PDE1C: variants seen among roughly 807,000 people sequenced by gnomAD.
PDE1C encodes the protein dual specificity calcium/calmodulin-dependent 3',5'-cyclic nucleotide phosphodiesterase 1C.
PDE1C carries 62 observed loss-of-function variants against 93.1 expected under a neutral mutation model. That is an observed-to-expected ratio of 0.67 (90% CI 0.54 to 0.82). The LOEUF is 0.82. PDE1C is among the 40% of genes least tolerant of loss of function. PDE1C has a pLI of 0.00. For synonymous variants in PDE1C, 325 were observed against 310.1 expected (o/e 1.05, Z -0.50); for missense variants, 742 against 884.6 (o/e 0.84, Z 2.04).
intron 2 of PDE1C, among the ~76,000 whole-genome samples, chr7:32,207,839 C>T (rs556583589): frequency 7.9e-5 from 12 of 152,216 alleles, no homozygotes; most frequent in African/African-American, 2.6e-4. Context: ...GCAAGGACCG[C>T]CCTCCCCCCA....
chr7:32,306,776 C>A (rs1471961062), intron 1 of PDE1C, among the ~76,000 whole-genome samples: 2 of 152,176 alleles, frequency 1.3e-5, no homozygotes, highest in African/African-American at 4.8e-5. Flanking sequence ...AAGTTTGGAC[C>A]TTCTCCTGTA....
intron 1 of PDE1C, among the ~76,000 whole-genome samples, chr7:32,350,574 ATATATATATATATATATTT>A (rs1433528848): frequency 0.1 from 111 of 1,102 alleles, 26 homozygotes; most frequent in African/African-American, 0.13. Context: ...ATATATATAT[ATATATATATATATATATTT>A]TTTTTTTTTT....
At chr7:32,046,795 T>C (rs183526322) in intron 2 of PDE1C, among the ~76,000 whole-genome samples, 1 of 152,244 alleles carries the variant, frequency 6.6e-6, no homozygotes, top group East Asian at 1.9e-4. Context: ...ACCTAAACTA[T>C]CTAAACAGTG....
At chr7:32,334,461 G>A (rs1267762334) in intron 1 of PDE1C, among the ~76,000 whole-genome samples, 2 of 151,874 alleles carry the variant, frequency 1.3e-5, no homozygotes, top group South Asian at 4.1e-4. Flanking sequence ...ATAGGTTATT[G>A]GGGTACAGGT....
chr7:32,409,354 C>T (rs1785119481), intron 1 of PDE1C, among the ~76,000 whole-genome samples: 1 of 151,982 alleles, frequency 6.6e-6, no homozygotes. Context: ...GACAGAGACC[C>T]TGTCTCAGAA....
intron 2 of PDE1C, among the ~76,000 whole-genome samples, chr7:32,180,519 G>A (rs758333359): frequency 2.6e-5 from 4 of 152,116 alleles, no homozygotes; most frequent in Non-Finnish European, 5.9e-5. Context: ...ATCATGTGAG[G>A]ACACAGCGCT....
intron 2 of PDE1C, among the ~76,000 whole-genome samples, chr7:32,002,273 G>A (rs189930750): frequency 9.9e-5 from 15 of 152,200 alleles, no homozygotes; most frequent in East Asian, 7.7e-4. Flanking sequence ...AACATGAAGC[G>A]AGTAAAAAAA....
the PDE1C span, among the ~76,000 whole-genome samples, chr7:31,734,005 A>G: frequency 1.8e-5 from 1 of 54,232 alleles, no homozygotes; most frequent in Non-Finnish European, 7.9e-5. Context: ...CTCTGTTTCA[A>G]AGAAAAAAAA....
At chr7:32,075,213 A>C (rs1796282085), upstream of PDE1C, among the ~76,000 whole-genome samples, 1 of 152,224 alleles carries the variant, frequency 6.6e-6, no homozygotes, top group Non-Finnish European at 1.5e-5. Context: ...GAAAGAGCAA[A>C]GCTTTTTTTC....
At chr7:32,070,535 C>G (rs1351751866), upstream of PDE1C, 1 of 1,476,506 alleles carries the variant, frequency 6.8e-7, no homozygotes, top group African/African-American at 1.4e-5. Context: ...CCCTTCTGCG[C>G]CCCCAGACTC....
At chr7:32,236,087 T>C (rs117540404) in intron 1 of PDE1C, among the ~76,000 whole-genome samples, 4,127 of 152,138 alleles carry the variant, frequency 0.027, 64 homozygotes, top group Non-Finnish European at 0.038. Flanking sequence ...AACATCCATA[T>C]ACCAAAAAAA....
At chr7:31,829,352 G>T (rs1481139577) in intron 11 of PDE1C, among the ~76,000 whole-genome samples, 1 of 152,128 alleles carries the variant, frequency 6.6e-6, no homozygotes, top group African/African-American at 2.4e-5. Context: ...AACTACTGTT[G>T]TTTCCCAACA....
chr7:31,620,468 G>GCAGA, the PDE1C span, among the ~76,000 whole-genome samples: 1 of 151,360 alleles, frequency 6.6e-6, no homozygotes, highest in Admixed American at 6.6e-5. Context: ...TACCTGTTCT[G>GCAGA]CAGACACCAC....
intron 2 of PDE1C, among the ~76,000 whole-genome samples, chr7:31,954,104 G>T (rs528454889): frequency 1.2e-4 from 19 of 152,326 alleles, no homozygotes; most frequent in African/African-American, 4.6e-4. Context: ...TCTACCAAAG[G>T]TTCATGCTCC....
chr7:32,302,045 T>C (rs772209750), upstream of PDE1C, among the ~76,000 whole-genome samples: 22 of 152,256 alleles, frequency 1.4e-4, no homozygotes, highest in Non-Finnish European at 2.4e-4. Flanking sequence ...TTCCATATTC[T>C]TTCTGGCTGC....
At chr7:31,811,959 T>C (rs1219209770) in intron 15 of PDE1C, among the ~76,000 whole-genome samples, 2 of 152,166 alleles carry the variant, frequency 1.3e-5, no homozygotes, top group African/African-American at 2.4e-5. Context: ...CAGTGACACA[T>C]GCTTGTTTGA....
chr7:32,152,264 C>T (rs1047930645), intron 3 of PDE1C, among the ~76,000 whole-genome samples: 3 of 152,078 alleles, frequency 2.0e-5, no homozygotes, highest in African/African-American at 7.2e-5. Flanking sequence ...AGTTGTGTGT[C>T]CTTGGGCGTG....
chr7:32,306,896 C>T (rs984564520), intron 1 of PDE1C, among the ~76,000 whole-genome samples: 5 of 152,138 alleles, frequency 3.3e-5, no homozygotes, highest in African/African-American at 1.2e-4. Flanking sequence ...CTGTGAGCAC[C>T]TGGGGCTTAA....
chr7:31,936,178 C>T (rs1249800781), intron 2 of PDE1C, among the ~76,000 whole-genome samples: 1 of 152,120 alleles, frequency 6.6e-6, no homozygotes, highest in Non-Finnish European at 1.5e-5. Flanking sequence ...CGGAATCACA[C>T]ATGGCTATAT....
Sources: allele counts gnomAD v4.1 joint callset (sites outside exome capture counted in the v4.1 genomes callset), GRCh38; gene constraint gnomAD v4.1.1; transcripts MANE v1.5; gene names NCBI Gene and HGNC (gene_info 2026-07-23, HGNC 2026-07-21).